EIF4G3: variants seen among roughly 807,000 people sequenced by gnomAD.
EIF4G3 encodes eIF-4-gamma 3.
A neutral mutation model predicts 186.4 loss-of-function variants in EIF4G3; 34 were observed. The ratio of observed to expected loss-of-function variants is 0.18; its 90% CI spans 0.14 to 0.24. EIF4G3 has a LOEUF of 0.24. EIF4G3 is among the 10% of genes least tolerant of loss of function. The pLI is 1.00. For synonymous variants in EIF4G3, 673 were observed against 679.5 expected, an observed-to-expected ratio of 0.99 and a Z score of 0.15; for missense variants, 1,536 against 1,948.5, an observed-to-expected ratio of 0.79 and a Z score of 3.99.
intron 12 of EIF4G3, among the ~76,000 whole-genome samples, chr1:20,952,094 C>T (rs2096245989): frequency 1.3e-5 from 2 of 151,740 alleles, no homozygotes; most frequent in Admixed American, 1.3e-4. Context: ...TCAACTTTAT[C>T]ATTTTATAAG....
At chr1:20,822,936 C>T (rs1343138232) in intron 33 of EIF4G3, among the ~76,000 whole-genome samples, 1 of 152,136 alleles carries the variant, frequency 6.6e-6, no homozygotes. Context: ...TTCAGCTGCA[C>T]AGGGAATTCT....
Position 20,810,890 on chromosome 1 carries a change from G to A in EIF4G3, c.4598-6C>T. 6.2e-7 allele frequency: 1 copy of A among 1,607,272 alleles called. No homozygotes were observed. Among genetic ancestry groups the A allele is most frequent in the Non-Finnish European group, 8.5e-7 (1 of 1,174,994 alleles). ...TCTGAAGGTAGAAGAGTCGGCTAAA[G>A]GTGATAGAAGAACTAGGAATTACAT... is the stretch of plus-strand genomic sequence containing the variant. On this transcript the variant is annotated splice_region_variant and splice_polypyrimidine_tract_variant and intron_variant, in intron 35 of 36. Transcript: ENST00000602326. The surrounding 1 kb of genome is among the most constrained non-coding windows in gnomAD (Gnocchi z 4.1).
At chr1:21,008,525 G>T (rs891473090) in intron 4 of EIF4G3, among the ~76,000 whole-genome samples, 4 of 152,078 alleles carry the variant, frequency 2.6e-5, no homozygotes, top group African/African-American at 7.2e-5. Flanking sequence ...TTTTAGTACA[G>T]ATGGGGTTTC....
chr1:20,857,445 G>A lies in EIF4G3; in HGVS notation c.3297C>T (p.Asn1099=), dbSNP rs376559455. 1.2e-6 allele frequency: 2 copies of A among 1,613,968 alleles called. No homozygotes were observed. The highest frequency in any genetic ancestry group is 1.7e-5 in the Admixed American group (1 of 59,982). The change falls in exon 25 of 37, where the codon AAC becomes AAT. Residue 1099 remains asparagine (N), a synonymous_variant. Coordinates refer to ENST00000602326, the MANE Select transcript of EIF4G3 (RefSeq NM_001391906.1). Reference sequence around the variant, plus strand: ...ATTTTGAGGGGTCCAGTACCCGACTGTTCTTGGCCCCTTGTACAGTGTTCC... The same window carrying A: ...ATTTTGAGGGGTCCAGTACCCGACTATTCTTGGCCCCTTGTACAGTGTTCC... ...GGWNTVQGAK[N]SRVLDPSKFL... is the part of the protein sequence containing the mutation.
At chr1:21,167,397 G>A (rs903724729) in intron 2 of EIF4G3, among the ~76,000 whole-genome samples, 10 of 152,128 alleles carry the variant, frequency 6.6e-5, no homozygotes, top group African/African-American at 2.2e-4. Flanking sequence ...TGCCAGACGC[G>A]ATGGCTCACG....
chr1:20,998,751 C>A, intron 6 of EIF4G3: 1 of 327,378 alleles, frequency 3.1e-6, no homozygotes, highest in East Asian at 8.3e-5. Flanking sequence ...ATTGTGGATA[C>A]TAATACGTTA....
intron 11 of EIF4G3, among the ~76,000 whole-genome samples, chr1:20,970,234 A>G (rs1028078880): frequency 2.2e-4 from 34 of 152,242 alleles, no homozygotes; most frequent in Non-Finnish European, 4.6e-4. Flanking sequence ...ACAACCTTAT[A>G]TACAAATGTA....
Position 20,853,552 on chromosome 1 carries a change from G to A in EIF4G3, c.3551+8C>T. ...GCCTTGAGTAGACATAAAAAGCAGG[G>A]TTCTCACCTAGTTAAGGTCCTTCGG... is the stretch of plus-strand genomic sequence containing the variant. On this transcript the variant is annotated splice_region_variant and intron_variant, in intron 27 of 36. Transcript: ENST00000602326. 6.3e-7 allele frequency: 1 copy of A among 1,592,672 alleles called. No homozygotes were observed. The highest frequency in any genetic ancestry group is 8.6e-7 in the Non-Finnish European group (1 of 1,160,510).
chr1:21,115,251 G>A (rs1254567800), intron 2 of EIF4G3, among the ~76,000 whole-genome samples: 2 of 152,104 alleles, frequency 1.3e-5, no homozygotes, highest in African/African-American at 2.4e-5. Flanking sequence ...ACCCACAGAG[G>A]ACACTGCAGG....
rs574995697 is a variant in EIF4G3 at position 20,985,978 on chromosome 1, A to G, written c.178-3570T>C. Among the ~76,000 whole-genome samples, 3 of 152,244 alleles carry G rather than the reference A, an allele frequency of 2.0e-5. No individual in the cohort carries two copies. The East Asian group carries it at 5.8e-4, about 29-fold the overall frequency. On this transcript the variant is annotated intron_variant, in intron 7 of 36. Coordinates refer to ENST00000602326, the MANE Select transcript of EIF4G3 (RefSeq NM_001391906.1). ...CATCCCTAAAACCACACAGATGTCA[A>G]ATCCTTCTCCATCAGCAACAGACCA...
chr1:20,847,344 A>G (rs973217369), intron 29 of EIF4G3, among the ~76,000 whole-genome samples: 14 of 152,186 alleles, frequency 9.2e-5, no homozygotes, highest in Non-Finnish European at 1.5e-5. Context: ...ACACTGCACA[A>G]TGAAATTCTA....
chr1:21,070,336 A>T (rs993393703), intron 3 of EIF4G3, among the ~76,000 whole-genome samples: 1 of 152,160 alleles, frequency 6.6e-6, no homozygotes, highest in African/African-American at 2.4e-5. Context: ...TACCCTTCAA[A>T]TCCCACTCCA....
chr1:21,000,139 AAC>A (rs1461160689), intron 6 of EIF4G3, among the ~76,000 whole-genome samples: 2 of 151,910 alleles, frequency 1.3e-5, no homozygotes, highest in African/African-American at 4.8e-5. Context: ...AAAAAAAAAA[AAC>A]AACTACTGCT....
At chr1:20,814,776 C>T (rs192774017) in intron 34 of EIF4G3, among the ~76,000 whole-genome samples, 787 of 42,182 alleles carry the variant, frequency 0.019, 10 homozygotes, top group Non-Finnish European at 0.037. Context: ...CCTCCCCCTC[C>T]CCCTCCCCCT....
intron 3 of EIF4G3, among the ~76,000 whole-genome samples, chr1:21,052,450 T>C (rs2094278261): frequency 6.6e-6 from 1 of 152,204 alleles, no homozygotes; most frequent in East Asian, 1.9e-4. Context: ...CAGAATCGTG[T>C]TATTAAATAC....
intron 14 of EIF4G3, among the ~76,000 whole-genome samples, chr1:20,920,880 T>C (rs1159623876): frequency 6.6e-6 from 1 of 152,222 alleles, no homozygotes; most frequent in East Asian, 1.9e-4. Context: ...ACCATCCATT[T>C]ATAGAGAAAG....
chr1:21,074,370 G>T (rs975952019), intron 3 of EIF4G3, among the ~76,000 whole-genome samples: 1 of 151,948 alleles, frequency 6.6e-6, no homozygotes, highest in African/African-American at 2.4e-5. Flanking sequence ...AACTGACTTA[G>T]GTATTTCCAA....
intron 14 of EIF4G3, among the ~76,000 whole-genome samples, chr1:20,918,009 TTCC>T (rs1165918785): frequency 1.3e-5 from 2 of 152,196 alleles, no homozygotes; most frequent in Admixed American, 6.5e-5. Flanking sequence ...GCTTTTTTTC[TTCC>T]TCCTAATTTC....
At chr1:20,914,532 C>A (rs2093646779) in intron 14 of EIF4G3, among the ~76,000 whole-genome samples, 1 of 152,106 alleles carries the variant, frequency 6.6e-6, no homozygotes, top group Admixed American at 6.5e-5. Context: ...GACCTGATGA[C>A]ACCTTGATTT....
Sources: allele counts gnomAD v4.1 joint callset (sites outside exome capture counted in the v4.1 genomes callset), GRCh38; gene constraint gnomAD v4.1.1; non-coding constraint Gnocchi (gnomAD v3.1); transcripts MANE v1.5; gene names NCBI Gene and HGNC (gene_info 2026-07-23, HGNC 2026-07-21).